MRPL34: variants seen among roughly 807,000 people sequenced by gnomAD.
MRPL34 encodes the protein mitochondrial ribosomal protein L34.
A neutral mutation model predicts 6.7 loss-of-function variants in MRPL34; 8 were observed. The observed-to-expected ratio is 1.20, with a 90% CI of 0.70 to 2.16. The LOEUF (loss-of-function observed/expected upper bound fraction) is 2.16, where lower values mean the gene tolerates loss of function less well. Among genes scored for constraint, MRPL34 ranks in the 30% most tolerant of loss-of-function variants. The probability of loss-of-function intolerance (pLI) is 0.00; values close to 1 mark genes in which losing one functional copy is unlikely to be tolerated. For missense variants in MRPL34, 146 were observed against 125.5 expected (o/e 1.16, Z -0.78); for synonymous variants, 59 against 55.1 (o/e 1.07, Z -0.31).
chr19:17,301,701 C>G, upstream of MRPL34: 6 of 1,424,080 alleles, frequency 4.2e-6, no homozygotes, highest in Non-Finnish European at 4.6e-6. Flanking sequence ...ACTCCCTGAG[C>G]CTTGGGAGAA....
chr19:17,294,891 CAGCAGGATACA>C (rs2074086937), intron 1 of MRPL34: 1 of 1,595,220 alleles, frequency 6.3e-7, no homozygotes, highest in Non-Finnish European at 8.6e-7. Flanking sequence ...GGGAGGCGGT[CAGCAGGATACA>C]AGCAGTGACC....
upstream of MRPL34, among the ~76,000 whole-genome samples, chr19:17,304,118 GAA>G (rs1158963542): frequency 6.6e-6 from 1 of 152,224 alleles, no homozygotes; most frequent in East Asian, 1.9e-4. Flanking sequence ...AGCTTTCAAG[GAA>G]AGTCTTGGAG....
chr19:17,296,114 G>A (rs1889942369), intron 1 of MRPL34: 1 of 152,272 alleles, frequency 6.6e-6, no homozygotes, highest in Admixed American at 6.5e-5. Context: ...AGGGATGAGT[G>A]CGGCCTCTCA....
At chr19:17,301,660 C>A, upstream of MRPL34, 2 of 1,506,498 alleles carry the variant, frequency 1.3e-6, no homozygotes, top group Admixed American at 2.1e-5. Flanking sequence ...CAGGTGCTGT[C>A]TCAATGAGAA....
At chr19:17,305,854 G>T (rs532311007), upstream of MRPL34, 2 of 1,606,008 alleles carry the variant, frequency 1.2e-6, no homozygotes, top group Admixed American at 1.7e-5. Context: ...CTGGGCTCCG[G>T]AATCGCCCGC....
chr19:17,294,554 C>A (rs764761766), intron 1 of MRPL34: 2 of 1,611,372 alleles, frequency 1.2e-6, no homozygotes, highest in Non-Finnish European at 8.5e-7. Context: ...GCCCGACTGC[C>A]GTGGGGTGCC....
At chr19:17,293,456 TG>T (rs975215785) in intron 1 of MRPL34, among the ~76,000 whole-genome samples, 2 of 6,554 alleles carry the variant, frequency 3.1e-4, no homozygotes, top group Non-Finnish European at 6.0e-4. Flanking sequence ...CATTCTTTGC[TG>T]GGGGGGCGGG....
chr19:17,301,229 G>A (rs377333754), upstream of MRPL34: 140 of 1,592,832 alleles, frequency 8.8e-5, 1 homozygote, highest in Non-Finnish European at 9.0e-5. Flanking sequence ...GGGGCCAAGC[G>A]GCCATCGCTG....
In MRPL34 at chr19:17,306,358, C is replaced by T. The variant is rs2074148521; in HGVS notation, c.258C>T (p.Gly86=). ...VQVILRRMLK[G]RKSLSH ...TCATCCTTCGCCGAATGCTCAAGGG[C>T]CGCAAGTCGCTGAGCCATTGAGGAT... Residue 86 remains glycine, a synonymous_variant, in exon 2 of 2, where the codon GGC becomes GGT. Transcript: ENST00000252602. 1.9e-6 allele frequency: 3 copies of T among 1,603,370 alleles called. No individual in the cohort carries two copies. The highest frequency in any genetic ancestry group is 2.0e-4 in the Middle Eastern group (1 of 5,082).
At chr19:17,293,002 G>C in intron 1 of MRPL34, 1 of 695,866 alleles carries the variant, frequency 1.4e-6, no homozygotes, top group Non-Finnish European at 2.2e-6. Context: ...ATGGCCTGTA[G>C]CCCTGCTGGA....
upstream of MRPL34, chr19:17,301,598 C>A: frequency 1.3e-6 from 2 of 1,553,992 alleles, no homozygotes; most frequent in Non-Finnish European, 8.7e-7. Flanking sequence ...AAGATACCGT[C>A]GGTCACCCCG....
upstream of MRPL34, chr19:17,301,564 G>A (rs1235324616): frequency 1.3e-6 from 2 of 1,599,270 alleles, no homozygotes; most frequent in Admixed American, 1.7e-5. Flanking sequence ...CACGGCGTTG[G>A]GGGGCGTGCC....
rs544730695 is a variant in MRPL34 at position 17,306,155 on chromosome 19, T to C, written c.66-11T>C. On this transcript the variant is annotated splice_polypyrimidine_tract_variant and intron_variant, in intron 1 of 1. Transcript: ENST00000252602. ...CGTCTGACCTTTCTCGCCGTCCCTC[T>C]ACCCACGCAGGTGGCTCCAGCCCCG... 413 of 1,516,416 alleles carry C rather than the reference T, an allele frequency of 2.7e-4. 9 individuals carry two copies. The South Asian group carries it at 4.9e-3, about 18-fold the overall frequency. 93.9% of individuals were successfully genotyped at this position (1,516,416 alleles called of 1,614,324 possible).
chr19:17,297,109 G>A (rs1212428155), intron 1 of MRPL34, among the ~76,000 whole-genome samples: 1 of 152,236 alleles, frequency 6.6e-6, no homozygotes. Context: ...AGCCCCTGCT[G>A]TAATGAGGAA....
At chr19:17,299,330 G>A (rs2074107092), upstream of MRPL34, among the ~76,000 whole-genome samples, 1 of 151,512 alleles carries the variant, frequency 6.6e-6, no homozygotes, top group African/African-American at 2.4e-5. Flanking sequence ...GGGAGGCCGA[G>A]GAGGGCGAAT....
chr19:17,294,369 G>A (rs1480331974), intron 1 of MRPL34: 3 of 1,613,786 alleles, frequency 1.9e-6, no homozygotes, highest in South Asian at 2.2e-5. Flanking sequence ...CGGTGAGCTC[G>A]GCGTGGTAGA....
upstream of MRPL34, among the ~76,000 whole-genome samples, chr19:17,300,144 T>C (rs1480621567): frequency 6.6e-6 from 1 of 151,112 alleles, no homozygotes; most frequent in Non-Finnish European, 1.5e-5. Context: ...GACCTCGTGA[T>C]CCGCCCGCCT....
rs779152926 is a variant in MRPL34, at chr19:17,306,334, C to T, written c.234C>T (p.Val78=). 2.5e-6 allele frequency: 4 copies of T among 1,609,568 alleles called. No homozygotes were observed. In the South Asian group the frequency reaches 4.4e-5, roughly 18 times the overall value. ...TGAGCACGCCGGCCGGCGTGCAGGT[C>T]ATCCTTCGCCGAATGCTCAAGGGCC... ...RRLSTPAGVQ[V]ILRRMLKGRK... Residue 78 remains valine, a synonymous_variant, in exon 2 of 2, where the codon GTC becomes GTT. Transcript: ENST00000252602.
chr19:17,292,855 G>T lies in MRPL34; in HGVS notation c.214+1G>T. 6.2e-7 allele frequency: 1 copy of T among 1,602,874 alleles called. No individual in the cohort carries two copies. Among genetic ancestry groups the T allele is most frequent in the Non-Finnish European group, 8.5e-7 (1 of 1,173,054 alleles). ...ATCTGCAGAAGACGCAGGGCTCAAG[G>T]TAGGCGGGGGCAAGAGGGTGGAGAG... On this transcript the variant is annotated splice_donor_variant, in intron 1 of 2. Transcript: ENST00000595444. LOFTEE classifies it high-confidence loss of function.
Sources: gnomAD v4.1 joint callset for allele counts (sites outside exome capture counted in the v4.1 genomes callset) on GRCh38, gnomAD v4.1.1 for gene constraint, MANE v1.5 for transcripts, NCBI Gene and HGNC (gene_info 2026-07-23, HGNC 2026-07-21) for gene names.